CSNK1G1: variants seen among roughly 807,000 people sequenced by gnomAD.
The protein encoded by CSNK1G1 is casein kinase I isoform gamma-1.
Under a neutral mutation model 59.6 loss-of-function variants are expected in CSNK1G1, and 22 were observed. The ratio of observed to expected loss-of-function variants is 0.37; its 90% CI spans 0.26 to 0.53. CSNK1G1 has a LOEUF of 0.53. CSNK1G1 is among the 20% of genes least tolerant of loss of function. The pLI is 0.89. For missense variants in CSNK1G1, 384 were observed against 519.5 expected (o/e 0.74, Z 2.54); for synonymous variants, 179 against 177.1 (o/e 1.01, Z -0.08).
chr15:64,323,617 G>A (rs766037918), intron 1 of CSNK1G1, among the ~76,000 whole-genome samples: 6 of 151,880 alleles, frequency 4.0e-5, no homozygotes, highest in Non-Finnish European at 7.4e-5. Context: ...CACCCGCCTC[G>A]GCCTCCCAAA....
intron 2 of CSNK1G1, among the ~76,000 whole-genome samples, chr15:64,288,376 C>T (rs1216454237): frequency 6.6e-6 from 1 of 151,916 alleles, no homozygotes; most frequent in African/African-American, 2.4e-5. Flanking sequence ...TCAATAACAA[C>T]ATCTAATATT....
At chr15:64,281,871 C>G (rs1894157878) in intron 2 of CSNK1G1, among the ~76,000 whole-genome samples, 1 of 149,552 alleles carries the variant, frequency 6.7e-6, no homozygotes. Flanking sequence ...CTAAACACTA[C>G]TGAATTGTAC....
chr15:64,172,265 A>G (rs1396528704), intron 11 of CSNK1G1, among the ~76,000 whole-genome samples: 3 of 152,210 alleles, frequency 2.0e-5, no homozygotes. Flanking sequence ...AGGAGGGTGA[A>G]GAAGGCTCAT....
At chr15:64,318,233 C>G (rs952457163) in intron 1 of CSNK1G1, among the ~76,000 whole-genome samples, 11 of 151,724 alleles carry the variant, frequency 7.3e-5, no homozygotes, top group African/African-American at 2.7e-4. Flanking sequence ...ATATACCCAA[C>G]TAACTTTCTT....
At chr15:64,332,739 C>CA (rs113780042) in intron 1 of CSNK1G1, among the ~76,000 whole-genome samples, 19,324 of 144,736 alleles carry the variant, frequency 0.13, 1,304 homozygotes, top group African/African-American at 0.18. Flanking sequence ...AAAACAAAAA[C>CA]AAAAAAAAAG....
At chr15:64,287,276 A>G (rs1045711817) in intron 2 of CSNK1G1, among the ~76,000 whole-genome samples, 2 of 152,196 alleles carry the variant, frequency 1.3e-5, no homozygotes, top group East Asian at 1.9e-4. Context: ...AAAGTTCCTT[A>G]TAAGTCTAAA....
At chr15:64,231,592 A>G (rs2082550699) in intron 4 of CSNK1G1, among the ~76,000 whole-genome samples, 1 of 151,810 alleles carries the variant, frequency 6.6e-6, no homozygotes. Context: ...GAGACATAGC[A>G]GCCTCTGGGA....
At chr15:64,175,211 C>T (rs898696144) in intron 11 of CSNK1G1, among the ~76,000 whole-genome samples, 2 of 152,064 alleles carry the variant, frequency 1.3e-5, no homozygotes, top group African/African-American at 4.8e-5. Flanking sequence ...CTCCACAAAA[C>T]CCAGTTGTTT....
At chr15:64,348,316 T>C (rs953331820) in intron 1 of CSNK1G1, 8 of 152,212 alleles carry the variant, frequency 5.3e-5, no homozygotes, top group Non-Finnish European at 8.8e-5. Context: ...CCAGATGCTA[T>C]AGTTAACAAT....
chr15:64,350,253 G>T (rs954763807), intron 1 of CSNK1G1, among the ~76,000 whole-genome samples: 8 of 152,056 alleles, frequency 5.3e-5, no homozygotes, highest in African/African-American at 1.9e-4. Context: ...CAGCACTTTG[G>T]GAGGCCAAGG....
chr15:64,352,444 C>CTTTTTTTT (rs1566958692), intron 1 of CSNK1G1, among the ~76,000 whole-genome samples: 1 of 79,920 alleles, frequency 1.3e-5, no homozygotes, highest in African/African-American at 4.2e-5. Flanking sequence ...AATTTGAATT[C>CTTTTTTTT]TTCTTTTTTT....
chr15:64,269,121 A>G (rs1893141390), intron 2 of CSNK1G1, among the ~76,000 whole-genome samples: 1 of 152,228 alleles, frequency 6.6e-6, no homozygotes, highest in African/African-American at 2.4e-5. Flanking sequence ...ATGTATGTAT[A>G]GCCCACATTT....
At chr15:64,286,874 C>CT (rs1322678823) in intron 2 of CSNK1G1, among the ~76,000 whole-genome samples, 1 of 152,146 alleles carries the variant, frequency 6.6e-6, no homozygotes, top group Non-Finnish European at 1.5e-5. Context: ...TGGAAAATCT[C>CT]TGACGATTAA....
rs550022180 is a variant in CSNK1G1, at chr15:64,355,707, G to A, written c.-225+281C>T. 1.2e-4 allele frequency among the ~76,000 whole-genome samples: 18 copies of A among 152,184 alleles called. No homozygotes were observed. In the South Asian group the frequency reaches 3.7e-3, roughly 32 times the overall value. ...CCTTTCAGAGTAAGCCCTCCAGGTG[G>A]CAAACTCCCGGTCCACACCGGCTAG... On this transcript the variant is annotated intron_variant, in intron 1 of 11. Coordinates refer to ENST00000303052, the MANE Select transcript of CSNK1G1 (RefSeq NM_022048.5).
intron 7 of CSNK1G1, among the ~76,000 whole-genome samples, chr15:64,206,172 T>G (rs1391133148): frequency 6.6e-6 from 1 of 152,026 alleles, no homozygotes; most frequent in Non-Finnish European, 1.5e-5. Flanking sequence ...CTGGGTGCAG[T>G]GGCTCACGCC....
rs1271311655 is a variant in CSNK1G1 at position 64,238,532 on chromosome 15, T to TTTC, written c.292+12979_292+12980insGAA. ...AAAAAAAAAAAAATATATATATATA[T>TTTC]ATATATATATATGAAAAAAAACCCA... is the stretch of plus-strand genomic sequence containing the variant. On this transcript the variant is annotated intron_variant, in intron 4 of 11. Transcript: ENST00000303052. Among the ~76,000 whole-genome samples, 21 of 127,516 alleles carry TTTC rather than the reference T, an allele frequency of 1.6e-4. 1 individual carries two copies. The highest frequency in any genetic ancestry group is 2.6e-4 in the Non-Finnish European group (16 of 62,010). The allele number at this position is 127,516 out of a possible 152,430, so 83.7% of individuals were successfully genotyped here. A position where few individuals can be genotyped will look rare whatever the true frequency, so the allele number is the denominator to read the frequency against.
chr15:64,226,326 A>T (rs2082460513), intron 4 of CSNK1G1, among the ~76,000 whole-genome samples: 1 of 152,048 alleles, frequency 6.6e-6, no homozygotes. Flanking sequence ...TTGGGAGGCC[A>T]AGGTGTATGG....
intron 4 of CSNK1G1, among the ~76,000 whole-genome samples, chr15:64,240,125 G>A (rs1341432413): frequency 3.3e-5 from 5 of 152,020 alleles, no homozygotes; most frequent in Non-Finnish European, 7.4e-5. Flanking sequence ...TCCCAGCTAC[G>A]CGGGAGGCTG....
intron 1 of CSNK1G1, among the ~76,000 whole-genome samples, chr15:64,350,361 T>C (rs1354167060): frequency 1.3e-5 from 2 of 151,714 alleles, no homozygotes; most frequent in Non-Finnish European, 2.9e-5. Flanking sequence ...ATTAGCCGGG[T>C]GTGGTGGCAG....
Sources: gnomAD v4.1 joint callset for allele counts (sites outside exome capture counted in the v4.1 genomes callset) on GRCh38, gnomAD v4.1.1 for gene constraint, MANE v1.5 for transcripts, NCBI Gene and HGNC (gene_info 2026-07-23, HGNC 2026-07-21) for gene names.